Variants in STT3A observed in about 807,000 individuals in gnomAD.
STT3A encodes the protein dolichyl-diphosphooligosaccharide--protein glycosyltransferase subunit STT3A.
STT3A carries 34 observed loss-of-function variants against 89.2 expected under a neutral mutation model. That is an observed-to-expected ratio of 0.38 (90% CI 0.29 to 0.51). The LOEUF (loss-of-function observed/expected upper bound fraction) is 0.51. STT3A is among the 20% of genes least tolerant of loss of function. STT3A has a pLI of 0.89. For synonymous variants in STT3A, 282 were observed against 310.3 expected (o/e 0.91, Z 0.96); for missense variants, 555 against 889.5 (o/e 0.62, Z 4.78).
intron 8 of STT3A, among the ~76,000 whole-genome samples, chr11:125,607,479 T>A (rs534462487): frequency 6.6e-6 from 1 of 152,366 alleles, no homozygotes; most frequent in Non-Finnish European, 1.5e-5. Flanking sequence ...CAGCTGTCTA[T>A]ATCCGATAGG....
intron 7 of STT3A, 53 bp from the exon 8 acceptor site, chr11:125,606,248 G>A (rs1391195741): frequency 1.6e-5 from 24 of 1,506,500 alleles, no homozygotes; most frequent in Non-Finnish European, 2.1e-5. Context: ...ATATAGTGGT[G>A]GTGGTCTGAG....
At chr11:125,595,732 G>A (rs148978977) in intron 1 of STT3A, 149 bp from the exon 2 acceptor site, 27 of 567,448 alleles carry the variant, frequency 4.8e-5, no homozygotes, top group Middle Eastern at 4.6e-4. Context: ...CATACTTTAG[G>A]CCAGGCTTGG....
chr11:125,597,213 G>C lies in STT3A; in HGVS notation c.149+94G>C, dbSNP rs1052025726. ...AAATTTCAGTCAGCTCTCAGTGATAGAGATGTGCTTTCAGTACATTTAAGG... is the reference window on the plus strand; with the variant it reads ...AAATTTCAGTCAGCTCTCAGTGATACAGATGTGCTTTCAGTACATTTAAGG... On this transcript the variant is annotated intron_variant, in intron 3 of 17. Transcript: ENST00000392708. 25 of 1,277,514 alleles carry C rather than the reference G, an allele frequency of 2.0e-5. No individual in the cohort carries two copies. In the Admixed American group the frequency reaches 3.6e-4, roughly 19 times the overall value. The allele number at this position is 1,277,514 out of a possible 1,614,324, so 79.1% of individuals were successfully genotyped here. A position where few individuals can be genotyped will look rare whatever the true frequency, so the allele number is the denominator to read the frequency against.
In STT3A at chr11:125,614,314, G is replaced by A; in HGVS notation, c.1672-10G>A. On this transcript the variant is annotated splice_polypyrimidine_tract_variant and intron_variant, in intron 14 of 17. Transcript: ENST00000392708. This position sits in a 1 kb window ranked among gnomAD's most constrained non-coding sequence, Gnocchi z 4.9. ...ATTTTGCTCTGAGAATTGTACATTTGTTTTTCCAGGCAATGGCGTCCACAG... is the reference window on the plus strand; with the variant it reads ...ATTTTGCTCTGAGAATTGTACATTTATTTTTCCAGGCAATGGCGTCCACAG... The A allele has an allele frequency of 6.2e-7, 1 of 1,614,040 alleles. No individual in the cohort carries two copies. The highest frequency in any genetic ancestry group is 8.5e-7 in the Non-Finnish European group (1 of 1,179,976).
intron 3 of STT3A, among the ~76,000 whole-genome samples, chr11:125,601,736 T>G (rs1307650639): frequency 2.0e-5 from 3 of 152,228 alleles, no homozygotes; most frequent in African/African-American, 7.2e-5. Flanking sequence ...ACATGTCAGC[T>G]TGTTGAAGTA....
rs564430463 is a variant in STT3A at position 125,613,294 on chromosome 11, G to A, written c.1554+117G>A. 148 of 1,122,432 alleles carry A rather than the reference G, an allele frequency of 1.3e-4. No individual in the cohort carries two copies. Among genetic ancestry groups the A allele is most frequent in the Non-Finnish European group, 1.7e-4 (132 of 789,060 alleles). The allele number at this position is 1,122,432 out of a possible 1,614,324, so 69.5% of individuals were successfully genotyped here. ...GAAAGCTGGGTGAAACTGGAACTTT[G>A]CAACTCTAGTCTTGAATGAGCCTTA... On this transcript the variant is annotated intron_variant, in intron 13 of 17. Transcript: ENST00000392708. The surrounding 1 kb of genome is among the most constrained non-coding windows in gnomAD (Gnocchi z 4.2).
intron 17 of STT3A, 32 bp downstream of exon 17, chr11:125,620,158 C>T (rs1940308106): frequency 1.9e-6 from 3 of 1,567,074 alleles, no homozygotes; most frequent in South Asian, 2.3e-5. Flanking sequence ...CAGAAAGCAA[C>T]TTTTATTTTT....
In STT3A at chr11:125,614,097, T is replaced by G; in HGVS notation, c.1565T>G (p.Val522Gly). ...LRHNTPEDAK[V>G]MSWWDYGYQI... ...CCATTCTACTTTCAGGATGCGAAGG[T>G]CATGTCCTGGTGGGATTATGGCTAT... The change falls in exon 14 of 18, where the codon GTC becomes GGC. Residue 522 changes from valine to glycine, a missense_variant. Val to Gly is a moderately radical substitution (Grantham distance 109). Transcript: ENST00000392708. This position sits in a 1 kb window ranked among gnomAD's most constrained non-coding sequence, Gnocchi z 4.9. 6.2e-7 allele frequency: 1 copy of G among 1,614,128 alleles called. No homozygotes were observed. The highest frequency in any genetic ancestry group is 8.5e-7 in the Non-Finnish European group (1 of 1,179,988).
intron 15 of STT3A, among the ~76,000 whole-genome samples, chr11:125,615,541 TAAC>T (rs544956329): frequency 2.0e-5 from 3 of 152,186 alleles, no homozygotes; most frequent in Admixed American, 6.5e-5. Flanking sequence ...AAATACAGTA[TAAC>T]AACTATTTAC....
chr11:125,613,205 TG>T lies in STT3A; in HGVS notation c.1554+31del. ...GAAGATTTGGGAGGGGTGGGAATTG[TG>T]GGTTAGGGGCAAAGGGGAAGACATT... is the stretch of plus-strand genomic sequence containing the variant. On this transcript the variant is annotated intron_variant, in intron 13 of 17. Transcript: ENST00000392708. The surrounding 1 kb of genome is among the most constrained non-coding windows in gnomAD (Gnocchi z 4.2). 1 of 1,609,966 alleles carries T rather than the reference TG, an allele frequency of 6.2e-7. No homozygotes were observed. The highest frequency in any genetic ancestry group is 1.1e-5 in the South Asian group (1 of 90,816).
intron 10 of STT3A, chr11:125,611,055 T>G (rs1355282630): frequency 6.4e-6 from 1 of 155,092 alleles, no homozygotes; most frequent in Non-Finnish European, 1.4e-5. Context: ...TACTTAGTAT[T>G]ATTTTATAGA....
chr11:125,620,435 CAT>C (rs549924637), intron 17 of STT3A, among the ~76,000 whole-genome samples: 3 of 152,250 alleles, frequency 2.0e-5, no homozygotes, highest in South Asian at 2.1e-4. Context: ...AAAAAGTTCA[CAT>C]GTTTATATTT....
chr11:125,617,848 TAAAG>T (rs1396774151), intron 15 of STT3A, among the ~76,000 whole-genome samples: 5 of 152,214 alleles, frequency 3.3e-5, no homozygotes, highest in Admixed American at 6.5e-5. Flanking sequence ...AAACTAAGTA[TAAAG>T]AAACAGGTGA....
At chr11:125,598,287 C>G (rs535990349) in intron 3 of STT3A, among the ~76,000 whole-genome samples, 1 of 151,916 alleles carries the variant, frequency 6.6e-6, no homozygotes, top group African/African-American at 2.4e-5. Flanking sequence ...TTATTCAGTA[C>G]GTGGAGGAAC....
intron 11 of STT3A, among the ~76,000 whole-genome samples, chr11:125,612,168 G>C (rs12797578): frequency 6.6e-6 from 1 of 152,160 alleles, no homozygotes; most frequent in South Asian, 2.1e-4. Flanking sequence ...GAGCCACTGA[G>C]AATACACACA....
At chr11:125,611,863 ATTTTTTT>A (rs59685125) in intron 11 of STT3A, among the ~76,000 whole-genome samples, 46 of 56,930 alleles carry the variant, frequency 8.1e-4, no homozygotes, top group Non-Finnish European at 1.4e-3. Flanking sequence ...AGGGATTTGA[ATTTTTTT>A]TTTTTTTTTT....
chr11:125,593,091 G>A (rs750101349), intron 1 of STT3A, 173 bp downstream of exon 1: 1 of 154,392 alleles, frequency 6.5e-6, no homozygotes, highest in Non-Finnish European at 1.4e-5. Flanking sequence ...TGGATGGAAG[G>A]ATGCGAAGGT....
At chr11:125,612,294 A>G (rs1940049714) in intron 11 of STT3A, among the ~76,000 whole-genome samples, 1 of 152,166 alleles carries the variant, frequency 6.6e-6, no homozygotes, top group African/African-American at 2.4e-5. Context: ...GAGAGGAGAG[A>G]TTTTATATAT....
At chr11:125,599,022 C>A (rs974189452) in intron 3 of STT3A, among the ~76,000 whole-genome samples, 1 of 152,194 alleles carries the variant, frequency 6.6e-6, no homozygotes. Context: ...TCGTCAAGAG[C>A]TGTTAGGGAC....
Sources: gnomAD v4.1 joint callset for allele counts (sites outside exome capture counted in the v4.1 genomes callset) on GRCh38, gnomAD v4.1.1 for gene constraint, Gnocchi (gnomAD v3.1) non-coding constraint, MANE v1.5 for transcripts, NCBI Gene and HGNC (gene_info 2026-07-23, HGNC 2026-07-21) for gene names.